Variants in ARSH observed in about 807,000 individuals in gnomAD.
ARSH encodes arylsulfatase family member H.
In ARSH, 32 loss-of-function variants were observed where a neutral mutation model predicts 28.7. The observed-to-expected ratio is 1.11, with a 90% CI of 0.84 to 1.50. The LOEUF is 1.50. Among genes scored for constraint, ARSH ranks in the 40% most tolerant of loss-of-function variants. The pLI, the probability that ARSH is intolerant of heterozygous loss-of-function variation, is 0.00. For synonymous variants in ARSH, 176 were observed against 177.3 expected, an observed-to-expected ratio of 0.99 and a Z score of 0.06; for missense variants, 440 against 452.4, an observed-to-expected ratio of 0.97 and a Z score of 0.25.
At chrX:3,008,996 A>C (rs1402194721) in intron 1 of ARSH, among the ~76,000 whole-genome samples, 2 of 111,294 alleles carry the variant, frequency 1.8e-5, no homozygotes, top group South Asian at 3.8e-4. Flanking sequence ...AAGTTTTACA[A>C]AATTTTTGCA....
chrX:3,019,549 G>A (rs1214598963), intron 5 of ARSH, among the ~76,000 whole-genome samples: 1 of 111,016 alleles, frequency 9.0e-6, no homozygotes, highest in Non-Finnish European at 1.9e-5. Context: ...CTCTATGTAC[G>A]TGACAGAGTT....
At chrX:3,026,204 A>G (rs1056600700) in intron 6 of ARSH, among the ~76,000 whole-genome samples, 50 of 111,314 alleles carry the variant, frequency 4.5e-4, no homozygotes, top group Non-Finnish European at 7.9e-4. Context: ...TGGGAGGCTC[A>G]GGAGGGAGGC....
chrX:3,012,598 T>A (rs1464002791), intron 2 of ARSH, among the ~76,000 whole-genome samples: 323 of 19,442 alleles, frequency 0.017, 11 homozygotes, highest in Admixed American at 0.026. Flanking sequence ...TATATATATA[T>A]AATATATATA....
At chrX:3,030,990 G>GA (rs1183542036) in intron 8 of ARSH, among the ~76,000 whole-genome samples, 5 of 104,568 alleles carry the variant, frequency 4.8e-5, no homozygotes, top group East Asian at 5.9e-4. Context: ...TCCCTACAAA[G>GA]AAAAAAAAAA....
Position 3,033,324 on chromosome X carries a change from G to A in ARSH, c.1628G>A (p.Cys543Tyr), listed in dbSNP as rs1417057838. 1 of 1,209,708 alleles carries A rather than the reference G, an allele frequency of 8.3e-7. No homozygotes were observed. The highest frequency in any genetic ancestry group is 3.0e-5 in the East Asian group (1 of 33,775). Reference protein sequence around the residue: ...TIWKPWLQPCCGTFPFCGCDK... With the variant: ...TIWKPWLQPCYGTFPFCGCDK... ...TGGAAACCATGGCTGCAGCCTTGCT[G>A]TGGGACCTTCCCCTTCTGTGGGTGT... is the stretch of plus-strand genomic sequence containing the variant. The change falls in exon 9 of 9, where the codon TGT (cysteine) becomes TAT (tyrosine). Residue 543 changes from cysteine (C) to tyrosine (Y), a missense_variant. Physicochemically the swap from Cys to Tyr is radical, Grantham distance 194 (BLOSUM62 -2). Transcript: ENST00000381130.
intron 6 of ARSH, 132 bp downstream of exon 6, chrX:3,024,287 C>CA: frequency 1.5e-6 from 1 of 685,931 alleles, no homozygotes; most frequent in Admixed American, 5.8e-5. Context: ...TAAGCTAGAC[C>CA]GAAAAAAAAA....
At position 3,006,642 on chromosome X, in the gene ARSH, C is replaced by T; in HGVS notation, c.30C>T (p.Val10=). ...CAAGAAACGCCAGACCCAACATTGT[C>T]CTGCTGATGGCAGATGACCTTGGAG... The part of the protein sequence containing the change: MTRNARPNI[V]LLMADDLGVG... Residue 10 remains valine (V), a synonymous_variant, in exon 1 of 9, where the codon GTC becomes GTT. Transcript: ENST00000381130. 1 of 1,211,133 alleles carries T rather than the reference C, an allele frequency of 8.3e-7. No homozygotes were observed. The highest frequency in any genetic ancestry group is 1.1e-6 in the Non-Finnish European group (1 of 895,234).
At chrX:3,012,603 T>TATATATA (rs1555914148) in intron 2 of ARSH, among the ~76,000 whole-genome samples, 830 of 26,259 alleles carry the variant, frequency 0.032, 32 homozygotes, top group Non-Finnish European at 0.038. Flanking sequence ...ATATATAATA[T>TATATATA]ATATATGTAT....
intron 6 of ARSH, 92 bp from the exon 7 acceptor site, chrX:3,027,221 A>G (rs764499899): frequency 1.7e-5 from 17 of 1,011,555 alleles, no homozygotes; most frequent in South Asian, 2.2e-5. Context: ...CGGCCCCCCA[A>G]AGTGCTGGGA....
At chrX:3,015,700 G>C (rs1254868031) in intron 4 of ARSH, among the ~76,000 whole-genome samples, 1 of 110,899 alleles carries the variant, frequency 9.0e-6, no homozygotes, top group Non-Finnish European at 1.9e-5. Flanking sequence ...CTAGAGGAGA[G>C]AGGGAGACAG....
chrX:3,008,587 T>C (rs1313202687), intron 1 of ARSH, among the ~76,000 whole-genome samples: 2 of 106,736 alleles, frequency 1.9e-5, no homozygotes, highest in East Asian at 5.8e-4. Flanking sequence ...TCTCATTCTG[T>C]CATCCAGACT....
chrX:3,011,560 G>A (rs1343609718), intron 2 of ARSH, among the ~76,000 whole-genome samples: 2 of 110,667 alleles, frequency 1.8e-5, no homozygotes, highest in East Asian at 5.6e-4. Flanking sequence ...CTAATTTCAG[G>A]GAATTTTAAG....
At chrX:3,022,586 G>A (rs1405467639) in intron 5 of ARSH, among the ~76,000 whole-genome samples, 2 of 111,852 alleles carry the variant, frequency 1.8e-5, no homozygotes, top group African/African-American at 6.5e-5. Flanking sequence ...CTGTTGATTA[G>A]CAAATGCTCA....
At chrX:3,029,192 C>T (rs1442205239) in intron 7 of ARSH, 55 bp from the exon 8 acceptor site, 12 of 1,123,470 alleles carry the variant, frequency 1.1e-5, no homozygotes, top group Admixed American at 7.2e-5. Flanking sequence ...CTATAAAATG[C>T]GTGACTGAAC....
Position 3,029,368 on chromosome X carries a change from T to C in ARSH, c.1321T>C (p.Cys441Arg). 2.5e-6 allele frequency: 3 copies of C among 1,209,164 alleles called. No homozygotes were observed. Among genetic ancestry groups the C allele is most frequent in the Non-Finnish European group, 2.2e-6 (2 of 894,182 alleles). ...CACGGTCAGGTGGCATCAGAAGGAC[T>C]GTAAGTATGAAGGCTGTGGACACGT... ...LHTVRWHQKD[C>R]ATVWKAHYVT... Residue 441 changes from cysteine to arginine, a missense_variant and splice_region_variant, in exon 8 of 9, where the codon TGT (cysteine) becomes CGT (arginine). By Grantham distance (180) the Cys-to-Arg change is radical. Transcript: ENST00000381130.
At chrX:3,024,191 T>C (rs2089892655) in intron 6 of ARSH, 36 bp downstream of exon 6, 2 of 1,115,540 alleles carry the variant, frequency 1.8e-6, no homozygotes, top group Admixed American at 6.3e-5. Context: ...CTGTCCATTT[T>C]AAATCAGTAG....
rs146474927 is a variant in ARSH, at chrX:3,013,190, T to G, written c.340+18T>G. 1.6e-3 allele frequency: 1,911 copies of G among 1,195,217 alleles called. 19 individuals carry two copies. In the African/African-American group the frequency reaches 0.031, roughly 19 times the overall value. The stretch of plus-strand genomic sequence containing the variant: ...ACTCATAGGTATGGCGCCGGAACTC[T>G]GCCCGTGGAAACGTGATCCTGCAGC... On this transcript the variant is annotated intron_variant, in intron 3 of 8. Transcript: ENST00000381130.
rs142794181 is a variant in ARSH, at chrX:3,006,594, C to A, written c.-19C>A. 3.4e-6 allele frequency: 4 copies of A among 1,190,851 alleles called. No homozygotes were observed. In the South Asian group the frequency reaches 5.4e-5, roughly 16 times the overall value. ...CAGTGTCCCTGTGCTGTTTGTTTTG[C>A]GGTGTTGATGGCACATTTATGACAA... On this transcript the variant is annotated 5_prime_UTR_variant, in exon 1 of 9. Coordinates refer to ENST00000381130, the MANE Select transcript of ARSH (RefSeq NM_001011719.2).
chrX:3,018,954 T>G (rs1001189288), intron 5 of ARSH, among the ~76,000 whole-genome samples: 1 of 111,943 alleles, frequency 8.9e-6, no homozygotes, highest in Admixed American at 9.6e-5. Context: ...TAAAGAAAGC[T>G]GCACTGTAAA....
Sources: allele counts gnomAD v4.1 joint callset (sites outside exome capture counted in the v4.1 genomes callset), GRCh38; gene constraint gnomAD v4.1.1; transcripts MANE v1.5; gene names NCBI Gene and HGNC (gene_info 2026-07-23, HGNC 2026-07-21).